The following BRF1 variants were observed in gnomAD, a reference collection of about 807,000 sequenced individuals.
BRF1 encodes the protein transcription factor IIIB 90 kDa subunit.
Under a neutral mutation model 81.7 loss-of-function variants are expected in BRF1, and 59 were observed. The observed-to-expected ratio is 0.72, with a 90% CI of 0.59 to 0.90. BRF1 has a LOEUF of 0.90. BRF1 is among the 40% of genes least tolerant of loss of function. The pLI is 0.00. For missense variants in BRF1, 1,050 were observed against 936.3 expected (o/e 1.12, Z -1.58); for synonymous variants, 491 against 395.6 (o/e 1.24, Z -2.86).
At position 105,284,339 on chromosome 14, in the gene BRF1, C is replaced by G. The variant is rs892444808; in HGVS notation, c.265+1957G>C. On this transcript the variant is annotated intron_variant, in intron 2 of 17. Coordinates refer to ENST00000547530, the MANE Select transcript of BRF1 (RefSeq NM_001519.4). The surrounding 1 kb of genome is among the most constrained non-coding windows in gnomAD (Gnocchi z 4.0). ...GACAAGGAAAAAAGCACAAGGGAAGCGTAAGGATCCATCCACTCTGCTGTG... is the reference window on the plus strand; with the variant it reads ...GACAAGGAAAAAAGCACAAGGGAAGGGTAAGGATCCATCCACTCTGCTGTG... 6.6e-6 allele frequency among the ~76,000 whole-genome samples: 1 copy of G among 152,112 alleles called. No homozygotes were observed. Among genetic ancestry groups the G allele is most frequent in the Non-Finnish European group, 1.5e-5 (1 of 68,026 alleles).
At chr14:105,251,308 C>G (rs2055597048) in intron 5 of BRF1, among the ~76,000 whole-genome samples, 1 of 152,164 alleles carries the variant, frequency 6.6e-6, no homozygotes, top group Non-Finnish European at 1.5e-5. Flanking sequence ...CTGGTTGTCT[C>G]TATGTCCTAA....
At position 105,228,912 on chromosome 14, in the gene BRF1, C is replaced by A. The variant is rs142328073; in HGVS notation, c.696G>T (p.Ala232=). ...CATGCATTCTGGCTGCAACCAGGAG[C>A]GCTGGAAGGCAACGAGACGGGCCTC... ...GRRPSGLCGA[A]LLVAARMHDF... is the part of the protein sequence containing the mutation. Residue 232 remains alanine, a splice_region_variant and synonymous_variant, in exon 7 of 18, where the codon GCG becomes GCT. Coordinates refer to ENST00000547530, the MANE Select transcript of BRF1 (RefSeq NM_001519.4). 1.2e-6 allele frequency: 2 copies of A among 1,613,422 alleles called. No individual in the cohort carries two copies. The highest frequency in any genetic ancestry group is 1.3e-5 in the African/African-American group (1 of 75,038).
intron 14 of BRF1, 89 bp from the exon 15 acceptor site, chr14:105,217,889 C>G (rs940748027): frequency 6.5e-7 from 1 of 1,549,846 alleles, no homozygotes; most frequent in African/African-American, 1.3e-5. Context: ...GGAGTGCAGG[C>G]GGGTGAGGCC....
intron 15 of BRF1, among the ~76,000 whole-genome samples, chr14:105,214,335 G>A (rs983737907): frequency 2.6e-5 from 4 of 152,232 alleles, no homozygotes; most frequent in Non-Finnish European, 4.4e-5. Flanking sequence ...GGAAGACCCC[G>A]AGGGTCAAAG....
rs189000898 is a variant in BRF1, at chr14:105,281,432, G to A, written c.265+4864C>T. ...TGAGCCCAGGTGTGAGGTGGAGGCC[G>A]TGTGATCCTGAGCCCGGGTGTGTGG... On this transcript the variant is annotated intron_variant, in intron 2 of 17. Coordinates refer to ENST00000547530, the MANE Select transcript of BRF1 (RefSeq NM_001519.4). Among the ~76,000 whole-genome samples the A allele has an allele frequency of 4.9e-5, 7 of 143,322 alleles. No individual in the cohort carries two copies. In the East Asian group the frequency reaches 1.1e-3, roughly 22 times the overall value. 94.0% of individuals were successfully genotyped at this position (143,322 alleles called of 152,430 possible). A position where few individuals can be genotyped will look rare whatever the true frequency, so the allele number is the denominator to read the frequency against.
At chr14:105,219,951 C>T (rs1269472007) in intron 12 of BRF1, 118 bp downstream of exon 12, 5 of 1,099,142 alleles carry the variant, frequency 4.5e-6, no homozygotes, top group African/African-American at 3.1e-5. Context: ...CCCACTTCAC[C>T]CAGCGGGGTG....
At chr14:105,274,212 C>T (rs1002322195) in intron 2 of BRF1, among the ~76,000 whole-genome samples, 3 of 152,200 alleles carry the variant, frequency 2.0e-5, no homozygotes, top group African/African-American at 2.4e-5. Flanking sequence ...ATTTGGTTCA[C>T]ATGTTTTCTT....
intron 1 of BRF1, among the ~76,000 whole-genome samples, chr14:105,298,484 G>T (rs1489493898): frequency 2.6e-5 from 4 of 152,180 alleles, no homozygotes; most frequent in African/African-American, 9.7e-5. Context: ...TTCAACAAAC[G>T]GTGTTGAAAC....
At chr14:105,289,225 C>G (rs1160501202) in intron 1 of BRF1, among the ~76,000 whole-genome samples, 9 of 151,978 alleles carry the variant, frequency 5.9e-5, no homozygotes, top group Non-Finnish European at 1.3e-4. Flanking sequence ...TGCCTGTGGT[C>G]CCAGCTACTC....
intron 3 of BRF1, among the ~76,000 whole-genome samples, chr14:105,266,212 A>G (rs2140370474): frequency 6.6e-6 from 1 of 152,254 alleles, no homozygotes; most frequent in African/African-American, 2.4e-5. Flanking sequence ...TTGGGAGTCC[A>G]AGATGAGAAG....
At chr14:105,216,983 C>G (rs1160293715) in intron 15 of BRF1, among the ~76,000 whole-genome samples, 1 of 152,216 alleles carries the variant, frequency 6.6e-6, no homozygotes, top group Non-Finnish European at 1.5e-5. Flanking sequence ...GCAGCCGCCA[C>G]CCAGCGGCAA....
At chr14:105,247,712 C>T (rs765379635) in intron 5 of BRF1, 31 of 985,474 alleles carry the variant, frequency 3.1e-5, no homozygotes, top group Non-Finnish European at 3.7e-5. Context: ...AGTCTAAAGC[C>T]TGGCGGTCCA....
chr14:105,211,874 C>T (rs1012128155), intron 16 of BRF1: 10 of 589,216 alleles, frequency 1.7e-5, no homozygotes, highest in Middle Eastern at 4.7e-4. Context: ...AGCCTTGGCC[C>T]GAGCGCTGAG....
chr14:105,268,154 C>T (rs970035044), intron 3 of BRF1, among the ~76,000 whole-genome samples: 23 of 152,380 alleles, frequency 1.5e-4, no homozygotes, highest in Admixed American at 1.1e-3. Context: ...CCTGGCTGGA[C>T]AGGAACAAAT....
intron 5 of BRF1, chr14:105,248,982 CCCGCGCCAGCGCCGCCG>C (rs1287324156): frequency 1.5e-5 from 15 of 986,364 alleles, no homozygotes; most frequent in Non-Finnish European, 1.8e-5. Context: ...GCCCAGCGCC[CCCGCGCCAGCGCCGCCG>C]CCGCCCGCGC....
In BRF1 at chr14:105,241,347, G is replaced by A. The variant is rs759881491; in HGVS notation, c.612C>T (p.Ser204=). ...LEFGEKNHEV[S]MTALRLLQRM... is the part of the protein sequence containing the mutation. ...TCTGTAGGAGCCTCAGGGCAGTCAT[G>A]GACACCTCGTGGTTCTTCTCCCCGA... is the stretch of plus-strand genomic sequence containing the variant. The change falls in exon 6 of 18, where the codon TCC becomes TCT. Residue 204 remains serine (S), a synonymous_variant. Coordinates refer to ENST00000547530, the MANE Select transcript of BRF1 (RefSeq NM_001519.4). 4 of 1,612,640 alleles carry A rather than the reference G, an allele frequency of 2.5e-6. No individual in the cohort carries two copies. Among genetic ancestry groups the A allele is most frequent in the Non-Finnish European group, 3.4e-6 (4 of 1,179,936 alleles).
chr14:105,285,452 G>C (rs967850404), intron 2 of BRF1, among the ~76,000 whole-genome samples: 12 of 152,202 alleles, frequency 7.9e-5, no homozygotes, highest in Non-Finnish European at 4.4e-5. Context: ...AGAAAACTGG[G>C]TCTGCACGTG....
chr14:105,309,753 A>G lies in BRF1; in HGVS notation c.-162+5569T>C, dbSNP rs1444407127. Among the ~76,000 whole-genome samples the G allele has an allele frequency of 6.8e-6, 1 of 146,488 alleles. No individual in the cohort carries two copies. The highest frequency in any genetic ancestry group is 1.5e-5 in the Non-Finnish European group (1 of 67,034). ...TATTAGGTCTAGATTAGCCTGCATT[A>G]AGGAGAAGGTGGTGATGTGTGTCTT... On this transcript the variant is annotated intron_variant, in intron 1 of 17. Coordinates refer to the BRF1 transcript ENST00000327359. The surrounding 1 kb of genome is among the most constrained non-coding windows in gnomAD (Gnocchi z 4.0).
chr14:105,241,814 C>T (rs141041517), intron 5 of BRF1: 15 of 221,714 alleles, frequency 6.8e-5, no homozygotes, highest in East Asian at 6.5e-4. Flanking sequence ...AGTCGCCAGC[C>T]GGCCGGCATC....
Sources: gnomAD v4.1 joint callset for allele counts (sites outside exome capture counted in the v4.1 genomes callset) on GRCh38, gnomAD v4.1.1 for gene constraint, Gnocchi (gnomAD v3.1) non-coding constraint, MANE v1.5 for transcripts, NCBI Gene and HGNC (gene_info 2026-07-23, HGNC 2026-07-21) for gene names.